Variants in ZNF385D observed in about 807,000 individuals in gnomAD.
The protein encoded by ZNF385D is zinc finger protein 659.
A neutral mutation model predicts 35.8 loss-of-function variants in ZNF385D; 15 were observed. That is an observed-to-expected ratio of 0.42 (90% CI 0.28 to 0.64). ZNF385D has a LOEUF of 0.64. Ranked by LOEUF, ZNF385D falls within the 30% of genes least tolerant of loss-of-function variation. The pLI is 0.23. For missense variants in ZNF385D, 474 were observed against 494.6 expected, an observed-to-expected ratio of 0.96 and a Z score of 0.39; for synonymous variants, 212 against 186.8, an observed-to-expected ratio of 1.13 and a Z score of -1.10.
At chr3:22,318,710 C>T (rs565833975) in intron 2 of ZNF385D, among the ~76,000 whole-genome samples, 53 of 152,046 alleles carry the variant, frequency 3.5e-4, no homozygotes, top group East Asian at 9.7e-4. Flanking sequence ...AAAAGATCCC[C>T]GGAAATCACA....
intron 2 of ZNF385D, among the ~76,000 whole-genome samples, chr3:22,293,123 T>C (rs1293221863): frequency 6.6e-6 from 1 of 152,134 alleles, no homozygotes; most frequent in Non-Finnish European, 1.5e-5. Flanking sequence ...TTTTCACTTA[T>C]ACATCATAAA....
chr3:21,865,033 G>T (rs560729585), intron 3 of ZNF385D, among the ~76,000 whole-genome samples: 2 of 120,758 alleles, frequency 1.7e-5, no homozygotes, highest in Non-Finnish European at 3.4e-5. Flanking sequence ...ACTCTGTGGG[G>T]TACAGGGAAG....
intron 2 of ZNF385D, among the ~76,000 whole-genome samples, chr3:21,576,053 A>C (rs763698873): frequency 1.3e-5 from 2 of 152,140 alleles, no homozygotes; most frequent in Non-Finnish European, 2.9e-5. Context: ...CAGAATACCA[A>C]CTCTGTGAGT....
intron 3 of ZNF385D, among the ~76,000 whole-genome samples, chr3:21,956,752 T>C (rs1702312817): frequency 6.6e-6 from 1 of 151,756 alleles, no homozygotes; most frequent in Non-Finnish European, 1.5e-5. Context: ...AAGCCTGGTT[T>C]CAAAAAGATG....
intron 3 of ZNF385D, among the ~76,000 whole-genome samples, chr3:21,759,294 GC>G (rs1416235601): frequency 6.6e-6 from 1 of 151,938 alleles, no homozygotes; most frequent in East Asian, 1.9e-4. Context: ...TGCAGAAAGA[GC>G]TGACAGAGGA....
rs1268470225 is a variant in ZNF385D at position 22,285,530 on chromosome 3, CTTTAT to C, written c.106+86915_106+86919del. Among the ~76,000 whole-genome samples the C allele has an allele frequency of 2.6e-5, 4 of 151,994 alleles. No homozygotes were observed. In the East Asian group the frequency reaches 7.8e-4, roughly 30 times the overall value. On this transcript the variant is annotated intron_variant, in intron 2 of 5. Transcript: ENST00000494108. ...TTTTAACTGTGCACTTATTCAATAA[CTTTAT>C]TTATTTTTTATTATACTTTAAGTTT...
chr3:21,961,723 A>T (rs998502789), intron 3 of ZNF385D, among the ~76,000 whole-genome samples: 1 of 152,180 alleles, frequency 6.6e-6, no homozygotes, highest in African/African-American at 2.4e-5. Flanking sequence ...GGATTCTAAC[A>T]TGATCCAGGG....
At chr3:22,133,211 T>C (rs963149500) in intron 3 of ZNF385D, among the ~76,000 whole-genome samples, 4 of 152,188 alleles carry the variant, frequency 2.6e-5, no homozygotes, top group African/African-American at 9.6e-5. Flanking sequence ...TCTCCAGCTT[T>C]GGGAAATACT....
At chr3:21,839,153 C>T (rs1695508452) in intron 3 of ZNF385D, among the ~76,000 whole-genome samples, 1 of 152,014 alleles carries the variant, frequency 6.6e-6, no homozygotes, top group Non-Finnish European at 1.5e-5. Flanking sequence ...TTTCTAACTC[C>T]AAGCCTTAAT....
chr3:21,520,848 G>A (rs1707860041), intron 3 of ZNF385D, among the ~76,000 whole-genome samples: 1 of 152,096 alleles, frequency 6.6e-6, no homozygotes, highest in African/African-American at 2.4e-5. Context: ...CTAGTCCTTT[G>A]TTAACACCAT....
At position 22,165,021 on chromosome 3, in the gene ZNF385D, G is replaced by C. The variant is rs185326469; in HGVS notation, c.325+3796C>G. 2.9e-4 allele frequency among the ~76,000 whole-genome samples: 44 copies of C among 152,238 alleles called. No individual in the cohort carries two copies. The East Asian group carries it at 7.9e-3, about 27-fold the overall frequency. On this transcript the variant is annotated intron_variant, in intron 3 of 5. Coordinates refer to the ZNF385D transcript ENST00000494108. ...GTTATGAGGGAGGGAAAGATGAATA[G>C]GCAGAGCACAGAGGACTTTTAGGGC...
At chr3:22,034,591 A>G (rs1235281406) in intron 3 of ZNF385D, among the ~76,000 whole-genome samples, 3 of 152,216 alleles carry the variant, frequency 2.0e-5, no homozygotes, top group African/African-American at 2.4e-5. Context: ...TTAATATCAT[A>G]TATTTAAGAC....
At chr3:22,016,905 T>A (rs536962140) in intron 3 of ZNF385D, among the ~76,000 whole-genome samples, 5 of 151,604 alleles carry the variant, frequency 3.3e-5, no homozygotes, top group Non-Finnish European at 5.9e-5. Flanking sequence ...TCTATCAATC[T>A]ATCTATCTAT....
At chr3:21,757,578 T>A (rs1446178619) in intron 3 of ZNF385D, among the ~76,000 whole-genome samples, 2 of 152,140 alleles carry the variant, frequency 1.3e-5, no homozygotes, top group Non-Finnish European at 2.9e-5. Context: ...GTTTATTGAC[T>A]CAAAAAAAAT....
At chr3:21,802,481 AAAT>A (rs1313455427) in intron 3 of ZNF385D, among the ~76,000 whole-genome samples, 1 of 152,190 alleles carries the variant, frequency 6.6e-6, no homozygotes, top group Non-Finnish European at 1.5e-5. Flanking sequence ...ATCTCCAAGT[AAAT>A]AATACACTTG....
intron 2 of ZNF385D, among the ~76,000 whole-genome samples, chr3:22,315,239 C>T (rs1251052015): frequency 2.6e-5 from 4 of 152,050 alleles, no homozygotes; most frequent in Admixed American, 1.3e-4. Flanking sequence ...ATGTCATTAA[C>T]GAAGACAAGT....
intron 2 of ZNF385D, among the ~76,000 whole-genome samples, chr3:21,660,658 A>AT (rs2066211087): frequency 6.6e-6 from 1 of 152,168 alleles, no homozygotes; most frequent in African/African-American, 2.4e-5. Flanking sequence ...AAATGTGGCC[A>AT]TTTTTTCATG....
intron 2 of ZNF385D, among the ~76,000 whole-genome samples, chr3:22,231,370 A>G (rs935357265): frequency 6.6e-6 from 1 of 152,126 alleles, no homozygotes; most frequent in Non-Finnish European, 1.5e-5. Context: ...GAGAGAAAAA[A>G]AAAAGTTCCC....
chr3:21,961,147 T>C lies in ZNF385D; in HGVS notation c.325+207670A>G, dbSNP rs371100573. Among the ~76,000 whole-genome samples the C allele has an allele frequency of 2.6e-5, 4 of 152,108 alleles. No homozygotes were observed. The East Asian group carries it at 7.7e-4, about 29-fold the overall frequency. On this transcript the variant is annotated intron_variant, in intron 3 of 5. Transcript: ENST00000494108. ...CCTGATTTGAGTATTATACACTGTA[T>C]ACATGTATAAAAATATCACTCTGTA... is the stretch of plus-strand genomic sequence containing the variant.
Sources: gnomAD v4.1 joint callset for allele counts (sites outside exome capture counted in the v4.1 genomes callset) on GRCh38, gnomAD v4.1.1 for gene constraint, MANE v1.5 for transcripts, NCBI Gene and HGNC (gene_info 2026-07-23, HGNC 2026-07-21) for gene names.